Variants in AGBL1 observed in about 807,000 individuals in gnomAD.
AGBL1 encodes the protein cytosolic carboxypeptidase 4.
In AGBL1, 130 loss-of-function variants were observed where a neutral mutation model predicts 118.9. The ratio of observed to expected loss-of-function variants is 1.09; its 90% CI spans 0.95 to 1.26. AGBL1 has a LOEUF of 1.26. Among genes scored for constraint, AGBL1 ranks in the 50% most tolerant of loss-of-function variants. AGBL1 has a pLI of 0.00. For missense variants in AGBL1, 1,584 were observed against 1,298.1 expected, an observed-to-expected ratio of 1.22 and a Z score of -3.38; for synonymous variants, 555 against 478.9, an observed-to-expected ratio of 1.16 and a Z score of -2.08.
intron 22 of AGBL1, among the ~76,000 whole-genome samples, chr15:86,840,869 T>C (rs922395755): frequency 2.0e-5 from 3 of 152,190 alleles, no homozygotes; most frequent in Non-Finnish European, 4.4e-5. Flanking sequence ...CTAGGTCATG[T>C]CCCAACCATG....
chr15:86,301,243 G>C (rs2079739517), intron 17 of AGBL1, among the ~76,000 whole-genome samples: 5 of 152,038 alleles, frequency 3.3e-5, no homozygotes, highest in Admixed American at 3.3e-4. Flanking sequence ...GAATTTTAGA[G>C]CTTAACAATC....
chr15:86,463,552 C>A lies in AGBL1; in HGVS notation c.2556-59258C>A, dbSNP rs1596145839. ...TGAATGGTATTACTTAGGTTTTCTT[C>A]TAGGGTTTTTATGGTTTTAGGTCTT... On this transcript the variant is annotated intron_variant, in intron 18 of 22. Transcript: ENST00000614907. 2.0e-5 allele frequency among the ~76,000 whole-genome samples: 3 copies of A among 152,188 alleles called. No homozygotes were observed. In the South Asian group the frequency reaches 6.2e-4, roughly 32 times the overall value.
intron 5 of AGBL1, among the ~76,000 whole-genome samples, chr15:86,185,761 T>A (rs962470374): frequency 3.9e-4 from 15 of 38,390 alleles, no homozygotes; most frequent in African/African-American, 1.1e-3. Flanking sequence ...TGTCGTGGGG[T>A]GGGGGGCTGG....
chr15:86,405,254 G>C (rs1195920492), intron 18 of AGBL1, among the ~76,000 whole-genome samples: 1 of 151,962 alleles, frequency 6.6e-6, no homozygotes, highest in South Asian at 2.1e-4. Flanking sequence ...GCTCATGCCT[G>C]TAATCCCAGC....
At chr15:86,703,578 C>A (rs1392126054) in intron 22 of AGBL1, among the ~76,000 whole-genome samples, 2 of 152,102 alleles carry the variant, frequency 1.3e-5, no homozygotes, top group Non-Finnish European at 2.9e-5. Flanking sequence ...TGTGTCCCTA[C>A]CCAAATGTCA....
intron 22 of AGBL1, among the ~76,000 whole-genome samples, chr15:86,686,062 C>A (rs1377018055): frequency 6.6e-6 from 1 of 152,118 alleles, no homozygotes; most frequent in African/African-American, 2.4e-5. Context: ...TGTTGTTGTT[C>A]TTGATCTTTA....
At chr15:86,729,031 C>A (rs1266766885) in intron 22 of AGBL1, among the ~76,000 whole-genome samples, 1 of 152,182 alleles carries the variant, frequency 6.6e-6, no homozygotes, top group Non-Finnish European at 1.5e-5. Context: ...CAACAAAACT[C>A]TACAGTTTTT....
chr15:86,538,471 A>G (rs983172914), intron 19 of AGBL1, among the ~76,000 whole-genome samples: 5 of 152,208 alleles, frequency 3.3e-5, no homozygotes, highest in South Asian at 2.1e-4. Context: ...AGGTAGCTGA[A>G]CGTGTCACCA....
rs141379446 is a variant in AGBL1, at chr15:86,410,613, G to A, written c.2555+13067G>A. Among the ~76,000 whole-genome samples, 944 of 151,040 alleles carry A rather than the reference G, an allele frequency of 6.3e-3. 12 individuals carry two copies. Among genetic ancestry groups the A allele is most frequent in the African/African-American group, 0.022 (884 of 41,116 alleles). ...TATTAAGTACTGAACAAAGGTAATG[G>A]TTCCTTTTATTGTGTTCTGATGCCT... On this transcript the variant is annotated intron_variant, in intron 18 of 22. Coordinates refer to ENST00000614907, the MANE Select transcript of AGBL1 (RefSeq NM_001386094.1).
chr15:86,150,355 C>T (rs954005581), intron 3 of AGBL1, among the ~76,000 whole-genome samples: 1 of 151,914 alleles, frequency 6.6e-6, no homozygotes, highest in African/African-American at 2.4e-5. Context: ...TTTTTGAAAA[C>T]ATCAACAAAA....
At chr15:86,262,991 G>A (rs1240072531) in intron 10 of AGBL1, 97 bp downstream of exon 10, 1 of 845,342 alleles carries the variant, frequency 1.2e-6, no homozygotes, top group Non-Finnish European at 2.0e-6. Flanking sequence ...GGAAAGCATT[G>A]CTCATCATTA....
chr15:86,356,936 C>T (rs940857805), intron 17 of AGBL1, among the ~76,000 whole-genome samples: 4 of 152,312 alleles, frequency 2.6e-5, no homozygotes, highest in Middle Eastern at 3.4e-3. Flanking sequence ...CAAATACTCT[C>T]CATTTTTCTC....
At position 86,634,584 on chromosome 15, in the gene AGBL1, T is replaced by C. The variant is rs181091346; in HGVS notation, c.2995-39689T>C. On this transcript the variant is annotated intron_variant, in intron 21 of 22. Transcript: ENST00000614907. ...AAAATGGGAAGTGTCTGCTAATGGA[T>C]GTGGAGTTTCTTTTTGAGGTGATGA... is the stretch of plus-strand genomic sequence containing the variant. Among the ~76,000 whole-genome samples, 1,022 of 152,298 alleles carry C rather than the reference T, an allele frequency of 6.7e-3. 3 individuals carry two copies. The highest frequency in any genetic ancestry group is 0.011 in the Non-Finnish European group (743 of 68,016).
At chr15:87,020,562 A>AT (rs150979686) in intron 24 of AGBL1, among the ~76,000 whole-genome samples, 3,326 of 150,618 alleles carry the variant, frequency 0.022, 113 homozygotes, top group African/African-American at 0.075. Context: ...AAATCAAATT[A>AT]TTTTTGTGGA....
intron 22 of AGBL1, among the ~76,000 whole-genome samples, chr15:86,713,231 A>G (rs1596395947): frequency 6.6e-6 from 1 of 152,182 alleles, no homozygotes; most frequent in Non-Finnish European, 1.5e-5. Flanking sequence ...GGGGAAGGAC[A>G]AAGATAGAAA....
At chr15:86,707,455 T>TAG (rs2086472327) in intron 22 of AGBL1, among the ~76,000 whole-genome samples, 1 of 152,086 alleles carries the variant, frequency 6.6e-6, no homozygotes, top group Admixed American at 6.6e-5. Flanking sequence ...CCCAGCTCTG[T>TAG]AGAGAGAGAG....
At chr15:86,389,162 A>C (rs1310878879) in intron 17 of AGBL1, among the ~76,000 whole-genome samples, 1 of 152,214 alleles carries the variant, frequency 6.6e-6, no homozygotes. Context: ...ACATTAAAAA[A>C]ATAAGGAGTA....
At chr15:86,304,912 C>G (rs2079814368) in intron 17 of AGBL1, 2 of 152,202 alleles carry the variant, frequency 1.3e-5, no homozygotes, top group South Asian at 4.1e-4. Context: ...TCCACACTAC[C>G]TCAAGTGGTA....
chr15:86,383,627 G>T (rs999943432), intron 17 of AGBL1, among the ~76,000 whole-genome samples: 45 of 152,134 alleles, frequency 3.0e-4, no homozygotes, highest in Middle Eastern at 6.8e-3. Flanking sequence ...TTCATTGCAC[G>T]TGAGTTCACA....
Sources: allele counts gnomAD v4.1 joint callset (sites outside exome capture counted in the v4.1 genomes callset), GRCh38; gene constraint gnomAD v4.1.1; transcripts MANE v1.5; gene names NCBI Gene and HGNC (gene_info 2026-07-23, HGNC 2026-07-21).